Variants in GPC5 observed in about 807,000 individuals in gnomAD.
The protein encoded by GPC5 is glypican 5.
In GPC5, 47 loss-of-function variants were observed where a neutral mutation model predicts 53.9. That is an observed-to-expected ratio of 0.87 (90% CI 0.69 to 1.11). GPC5 has a LOEUF of 1.11. Ranked by LOEUF, GPC5 falls within the 50% of genes most tolerant of loss-of-function variation. The probability of loss-of-function intolerance (pLI) is 0.00; values close to 1 mark genes in which losing one functional copy is unlikely to be tolerated. For synonymous variants in GPC5, 286 were observed against 263.3 expected, an observed-to-expected ratio of 1.09 and a Z score of -0.84; for missense variants, 748 against 713.1, an observed-to-expected ratio of 1.05 and a Z score of -0.56.
intron 7 of GPC5, among the ~76,000 whole-genome samples, chr13:92,276,706 A>C (rs181511472): frequency 6.6e-6 from 1 of 152,246 alleles, no homozygotes; most frequent in African/African-American, 2.4e-5. Flanking sequence ...TCTATGAATT[A>C]TTTCATCAGA....
At chr13:92,441,450 G>A (rs1038300747) in intron 7 of GPC5, among the ~76,000 whole-genome samples, 7 of 152,268 alleles carry the variant, frequency 4.6e-5, no homozygotes, top group East Asian at 1.9e-4. Context: ...TAAATAATCC[G>A]TAAGGCTCCT....
chr13:91,547,433 C>A (rs1371732696), intron 2 of GPC5, among the ~76,000 whole-genome samples: 7 of 151,986 alleles, frequency 4.6e-5, no homozygotes. Flanking sequence ...TTGAAAGACA[C>A]ATGATATTTA....
In GPC5 at chr13:92,175,035, T is replaced by G. The variant is rs59570891; in HGVS notation, c.1561+30046T>G. Among the ~76,000 whole-genome samples the G allele has an allele frequency of 8.4e-3, 1,281 of 152,288 alleles. 14 individuals are homozygous for G. Among genetic ancestry groups the G allele is most frequent in the African/African-American group, 0.029 (1,223 of 41,570 alleles). On this transcript the variant is annotated intron_variant, in intron 7 of 7. Transcript: ENST00000377067. ...CTGCTAAATTTTTTTGTAGTTTTAGTAGAGACGGGGTTTCTCCATGTTGGT... is the reference window on the plus strand; with the variant it reads ...CTGCTAAATTTTTTTGTAGTTTTAGGAGAGACGGGGTTTCTCCATGTTGGT...
intron 7 of GPC5, among the ~76,000 whole-genome samples, chr13:92,406,922 CATT>C (rs555960460): frequency 1.7e-3 from 255 of 152,186 alleles, no homozygotes; most frequent in African/African-American, 5.9e-3. Context: ...ATTTACTGGC[CATT>C]ATTCATCTCT....
At chr13:92,305,705 A>G (rs757010625) in intron 7 of GPC5, among the ~76,000 whole-genome samples, 2 of 152,190 alleles carry the variant, frequency 1.3e-5, no homozygotes, top group Admixed American at 6.5e-5. Flanking sequence ...GTTACTAAGC[A>G]CCTATTGTGT....
chr13:91,534,632 G>T (rs1449932428), intron 2 of GPC5, among the ~76,000 whole-genome samples: 1 of 152,168 alleles, frequency 6.6e-6, no homozygotes, highest in Non-Finnish European at 1.5e-5. Flanking sequence ...TAGAAATGTT[G>T]AAATTCACTG....
At chr13:92,426,808 T>G (rs558824378) in intron 7 of GPC5, among the ~76,000 whole-genome samples, 1 of 151,882 alleles carries the variant, frequency 6.6e-6, no homozygotes, top group African/African-American at 2.4e-5. Flanking sequence ...AGAACATGGA[T>G]CCATAGAGAG....
intron 5 of GPC5, among the ~76,000 whole-genome samples, chr13:91,780,906 T>C (rs1394804113): frequency 1.3e-5 from 2 of 152,242 alleles, no homozygotes; most frequent in East Asian, 3.8e-4. Flanking sequence ...AGTTCACATG[T>C]AGCCCCCCAC....
At chr13:92,014,704 G>A (rs1594724461) in intron 6 of GPC5, among the ~76,000 whole-genome samples, 2 of 152,050 alleles carry the variant, frequency 1.3e-5, no homozygotes, top group East Asian at 3.9e-4. Context: ...CCATGAACAA[G>A]TGACTTATTC....
chr13:91,862,785 C>T (rs1227135195), intron 5 of GPC5, among the ~76,000 whole-genome samples: 2 of 152,002 alleles, frequency 1.3e-5, no homozygotes, highest in African/African-American at 4.8e-5. Context: ...CACCAATAGT[C>T]CCAATAATGT....
intron 7 of GPC5, among the ~76,000 whole-genome samples, chr13:92,567,065 T>A (rs775852950): frequency 7.2e-5 from 11 of 152,086 alleles, no homozygotes; most frequent in Non-Finnish European, 1.5e-4. Flanking sequence ...GATAAAGACT[T>A]GATACTTGGC....
At chr13:92,628,264 C>CTGTTTTTTTTTTTTT in intron 7 of GPC5, among the ~76,000 whole-genome samples, 1 of 45,338 alleles carries the variant, frequency 2.2e-5, no homozygotes, top group Non-Finnish European at 4.3e-5. Flanking sequence ...CTTTTTCTTT[C>CTGTTTTTTTTTTTTT]TTTTTTTTTT....
intron 7 of GPC5, among the ~76,000 whole-genome samples, chr13:92,384,126 GT>G (rs60184723): frequency 7.0e-4 from 105 of 149,128 alleles, no homozygotes; most frequent in Middle Eastern, 3.5e-3. Flanking sequence ...GTTTTTATAG[GT>G]TTTTTTTTTT....
chr13:92,612,847 T>G (rs1225668973), intron 7 of GPC5, among the ~76,000 whole-genome samples: 1 of 152,128 alleles, frequency 6.6e-6, no homozygotes, highest in Non-Finnish European at 1.5e-5. Context: ...TATTTCATAG[T>G]CTAGTGCAAA....
chr13:91,480,862 C>A (rs61968030), intron 2 of GPC5, among the ~76,000 whole-genome samples: 13,898 of 152,148 alleles, frequency 0.091, 794 homozygotes, highest in African/African-American at 0.16. Context: ...CACTGTTACT[C>A]TCTTTCCTAC....
chr13:92,677,353 C>T (rs1415451385), intron 7 of GPC5, among the ~76,000 whole-genome samples: 4 of 152,110 alleles, frequency 2.6e-5, no homozygotes, highest in African/African-American at 9.7e-5. Context: ...GATAAATTAA[C>T]ATAATGCCAA....
At chr13:92,839,193 A>C (rs56867090) in intron 7 of GPC5, among the ~76,000 whole-genome samples, 23,749 of 152,222 alleles carry the variant, frequency 0.16, 2,255 homozygotes, top group African/African-American at 0.26. Flanking sequence ...TCAATATTTT[A>C]AGTCTTATAT....
In GPC5 at chr13:91,577,614, T is replaced by C. The variant is rs2032187017; in HGVS notation, c.326-115573T>C. Among the ~76,000 whole-genome samples the C allele has an allele frequency of 2.0e-5, 3 of 152,188 alleles. No homozygotes were observed. In the South Asian group the frequency reaches 6.2e-4, roughly 31 times the overall value. On this transcript the variant is annotated intron_variant, in intron 2 of 7. Transcript: ENST00000377067. ...GTGCCAGAACATTCACATTGCATGT[T>C]TTCCTTACTGTGGCAAGCTTCTGTC...
intron 7 of GPC5, among the ~76,000 whole-genome samples, chr13:92,558,442 C>T (rs944921225): frequency 1.3e-5 from 2 of 151,864 alleles, no homozygotes; most frequent in Non-Finnish European, 2.9e-5. Context: ...AAATATTAAC[C>T]AATGCCATCC....
Sources: gnomAD v4.1 joint callset for allele counts (sites outside exome capture counted in the v4.1 genomes callset) on GRCh38, gnomAD v4.1.1 for gene constraint, MANE v1.5 for transcripts, NCBI Gene and HGNC (gene_info 2026-07-23, HGNC 2026-07-21) for gene names.